Variants in WWOX observed in about 807,000 individuals in gnomAD.
The protein encoded by WWOX is WW domain-containing oxidoreductase.
WWOX carries 69 observed loss-of-function variants against 46.2 expected under a neutral mutation model. The ratio of observed to expected loss-of-function variants is 1.49; its 90% CI spans 1.23 to 1.82. WWOX has a LOEUF of 1.82. Ranked by LOEUF, WWOX falls within the 40% of genes most tolerant of loss-of-function variation. WWOX has a pLI of 0.00. For synonymous variants in WWOX, 359 were observed against 202.6 expected (o/e 1.77, Z -6.56); for missense variants, 919 against 542.6 (o/e 1.69, Z -6.89).
chr16:78,510,797 A>T (rs1169546155), intron 8 of WWOX, among the ~76,000 whole-genome samples: 1 of 152,220 alleles, frequency 6.6e-6, no homozygotes, highest in Non-Finnish European at 1.5e-5. Context: ...GTGTTTGTTA[A>T]ACATTTACCA....
At chr16:78,775,512 G>T (rs575692147) in intron 8 of WWOX, among the ~76,000 whole-genome samples, 38 of 152,224 alleles carry the variant, frequency 2.5e-4, no homozygotes, top group African/African-American at 8.4e-4. Flanking sequence ...GCGCCCTCCG[G>T]GGGGTGGGGT....
chr16:78,969,210 C>T (rs1264822536), intron 8 of WWOX, among the ~76,000 whole-genome samples: 12 of 151,752 alleles, frequency 7.9e-5, no homozygotes, highest in Non-Finnish European at 1.2e-4. Context: ...TTTGCTACCT[C>T]AGGGGACAAA....
chr16:78,104,360 T>C (rs1187337162), intron 1 of WWOX, among the ~76,000 whole-genome samples: 1 of 147,664 alleles, frequency 6.8e-6, no homozygotes, highest in Non-Finnish European at 1.5e-5. Context: ...TGCACGCACA[T>C]ACACACACAC....
intron 8 of WWOX, among the ~76,000 whole-genome samples, chr16:78,738,511 G>C (rs536044684): frequency 1.4e-4 from 21 of 152,100 alleles, no homozygotes; most frequent in African/African-American, 4.8e-4. Flanking sequence ...GGGAGTATTG[G>C]CATATGTTAA....
At chr16:78,548,594 C>G (rs2044102987) in intron 8 of WWOX, among the ~76,000 whole-genome samples, 1 of 152,198 alleles carries the variant, frequency 6.6e-6, no homozygotes, top group Non-Finnish European at 1.5e-5. Context: ...AACATCATCT[C>G]TCAAGGAACT....
chr16:79,113,306 A>G (rs763689828), intron 8 of WWOX, among the ~76,000 whole-genome samples: 29 of 152,152 alleles, frequency 1.9e-4, no homozygotes, highest in Non-Finnish European at 3.4e-4. Flanking sequence ...TTCACCTGGG[A>G]AACTTGGGGA....
chr16:78,690,052 G>T (rs141389739), intron 8 of WWOX, among the ~76,000 whole-genome samples: 1 of 151,926 alleles, frequency 6.6e-6, no homozygotes, highest in Non-Finnish European at 1.5e-5. Context: ...GTAGAGATGC[G>T]GTTTCACCAT....
At chr16:78,637,091 C>T (rs1055422901) in intron 8 of WWOX, among the ~76,000 whole-genome samples, 12 of 152,164 alleles carry the variant, frequency 7.9e-5, no homozygotes, top group African/African-American at 2.4e-4. Flanking sequence ...AAACTGCATG[C>T]ATGCAATGCC....
intron 5 of WWOX, among the ~76,000 whole-genome samples, chr16:78,320,318 C>A (rs2080440997): frequency 6.6e-6 from 1 of 152,122 alleles, no homozygotes. Context: ...TTTTTTATCC[C>A]CTTCGGTGTA....
At chr16:78,915,978 G>C (rs1200470582) in intron 8 of WWOX, among the ~76,000 whole-genome samples, 1 of 152,164 alleles carries the variant, frequency 6.6e-6, no homozygotes, top group Non-Finnish European at 1.5e-5. Context: ...AGATGATAGT[G>C]GGGCCTCAGA....
chr16:78,963,205 A>C (rs188186131), intron 8 of WWOX, among the ~76,000 whole-genome samples: 2 of 152,164 alleles, frequency 1.3e-5, no homozygotes, highest in Non-Finnish European at 2.9e-5. Context: ...GCAGTGGCTC[A>C]CACCTGTAAT....
rs17841368 is a variant in WWOX, at chr16:78,746,654, C to T, written c.1056+313902C>T. On this transcript the variant is annotated intron_variant, in intron 8 of 8. Coordinates refer to ENST00000566780, the MANE Select transcript of WWOX (RefSeq NM_016373.4). Reference sequence around the variant, plus strand: ...GATGTGAGCAGAGTCTTGAGATGTGCTTGCATGATTGGCTTTGTACTCCTG... The same window carrying T: ...GATGTGAGCAGAGTCTTGAGATGTGTTTGCATGATTGGCTTTGTACTCCTG... Among the ~76,000 whole-genome samples the T allele has an allele frequency of 9.1e-3, 1,379 of 151,886 alleles. 23 individuals are homozygous for T. Among genetic ancestry groups the T allele is most frequent in the African/African-American group, 0.032 (1,320 of 41,394 alleles).
intron 8 of WWOX, among the ~76,000 whole-genome samples, chr16:78,758,893 C>A (rs1167994684): frequency 2.8e-5 from 4 of 145,230 alleles, no homozygotes; most frequent in African/African-American, 1.0e-4. Context: ...ATCTTCTTCC[C>A]AAGCCAGCAT....
rs766067195 is a variant in WWOX at position 79,212,076 on chromosome 16, G to C, written c.*280G>C. 2.6e-5 allele frequency: 40 copies of C among 1,536,300 alleles called. No homozygotes were observed. The highest frequency in any genetic ancestry group is 1.5e-4 in the East Asian group (6 of 40,918). On this transcript the variant is annotated 3_prime_UTR_variant, in exon 9 of 9. Transcript: ENST00000566780. ...AAAACCTGCTTGGTGTGTAGGTTCC[G>C]TATCTCCCTGGAGAAGCACCAGCAA...
chr16:78,825,696 A>G (rs1001993278), intron 8 of WWOX: 2 of 543,888 alleles, frequency 3.7e-6, no homozygotes, highest in Non-Finnish European at 7.1e-6. Flanking sequence ...GGTTTCTGGG[A>G]GACTCTGAGG....
chr16:78,510,095 CTG>C (rs1357298847), intron 8 of WWOX, among the ~76,000 whole-genome samples: 9 of 152,158 alleles, frequency 5.9e-5, no homozygotes, highest in Non-Finnish European at 1.3e-4. Context: ...GTCTGTCTGT[CTG>C]TCTCTCTCGG....
At chr16:79,211,585 T>C (rs1272168682) in intron 8 of WWOX, 23 bp from the exon 9 acceptor site, 3 of 1,614,100 alleles carry the variant, frequency 1.9e-6, no homozygotes, top group Non-Finnish European at 2.5e-6. Context: ...AATTTTTTTT[T>C]GTCTTTCTTC....
At chr16:78,106,421 G>GTTTTTTTTTTTT (rs34551316) in intron 1 of WWOX, among the ~76,000 whole-genome samples, 1 of 122,970 alleles carries the variant, frequency 8.1e-6, no homozygotes, top group Non-Finnish European at 1.7e-5. Flanking sequence ...GTTTTTTTTT[G>GTTTTTTTTTTTT]TTTTTTTTTT....
chr16:78,590,636 CTTGTA>C (rs1332167282), intron 8 of WWOX, among the ~76,000 whole-genome samples: 2 of 133,300 alleles, frequency 1.5e-5, no homozygotes, highest in East Asian at 6.2e-4. Context: ...ATGGAAATGT[CTTGTA>C]ACTCAGTAAA....
Sources: allele counts gnomAD v4.1 joint callset (sites outside exome capture counted in the v4.1 genomes callset), GRCh38; gene constraint gnomAD v4.1.1; transcripts MANE v1.5; gene names NCBI Gene and HGNC (gene_info 2026-07-23, HGNC 2026-07-21).